The following NTRK2 variants were observed in gnomAD, a reference collection of about 807,000 sequenced individuals.
NTRK2 encodes BDNF/NT-3 growth factors receptor.
In NTRK2, 13 loss-of-function variants were observed where a neutral mutation model predicts 94.5. That is an observed-to-expected ratio of 0.14 (90% CI 0.09 to 0.22). NTRK2 has a LOEUF of 0.22. Among genes scored for constraint, NTRK2 ranks in the 10% least tolerant of loss-of-function variants. NTRK2 has a pLI of 1.00. For missense variants in NTRK2, 639 were observed against 1,071.2 expected, an observed-to-expected ratio of 0.60 and a Z score of 5.63; for synonymous variants, 372 against 407.4, an observed-to-expected ratio of 0.91 and a Z score of 1.05.
chr9:84,726,378 T>G (rs2062460286), intron 8 of NTRK2, among the ~76,000 whole-genome samples: 1 of 152,072 alleles, frequency 6.6e-6, no homozygotes, highest in Non-Finnish European at 1.5e-5. Flanking sequence ...TCCAAGCTAC[T>G]CGGAAGGCTG....
At chr9:84,834,621 T>C (rs1215794509) in intron 12 of NTRK2, among the ~76,000 whole-genome samples, 2 of 152,182 alleles carry the variant, frequency 1.3e-5, no homozygotes, top group Non-Finnish European at 2.9e-5. Context: ...GTTGAGCCAG[T>C]ATAACAATTG....
chr9:84,844,785 A>C (rs1485792164), intron 12 of NTRK2, among the ~76,000 whole-genome samples: 2 of 152,046 alleles, frequency 1.3e-5, no homozygotes, highest in African/African-American at 2.4e-5. Flanking sequence ...TCTTCTCAAA[A>C]ATGGCTGTTA....
At chr9:84,880,393 C>A (rs997636579) in intron 14 of NTRK2, among the ~76,000 whole-genome samples, 2 of 152,182 alleles carry the variant, frequency 1.3e-5, no homozygotes, top group African/African-American at 4.8e-5. Context: ...TTTCAGCATC[C>A]TATGGGGAAC....
At chr9:84,964,283 A>T (rs1825297538) in intron 17 of NTRK2, among the ~76,000 whole-genome samples, 1 of 152,176 alleles carries the variant, frequency 6.6e-6, no homozygotes, top group South Asian at 2.1e-4. Flanking sequence ...ATTGGTCAAG[A>T]CCACAGCAAT....
intron 9 of NTRK2, among the ~76,000 whole-genome samples, chr9:84,733,067 C>T (rs1410105694): frequency 1.3e-5 from 2 of 152,148 alleles, no homozygotes; most frequent in East Asian, 3.9e-4. Context: ...CCACCTATAC[C>T]CCATGGCTGC....
At chr9:84,827,274 G>C (rs749617596) in intron 12 of NTRK2, among the ~76,000 whole-genome samples, 2 of 152,184 alleles carry the variant, frequency 1.3e-5, no homozygotes, top group Admixed American at 6.5e-5. Context: ...CCCTTGGAGA[G>C]TGTGTGTCTT....
chr9:84,798,098 T>G (rs2996471), intron 12 of NTRK2, among the ~76,000 whole-genome samples: 127,571 of 150,928 alleles, frequency 0.85, 54,112 homozygotes, highest in East Asian at 0.91. Context: ...GGAAGTCCGA[T>G]ATCAAGGCAC....
intron 1 of NTRK2, 32 bp from the exon 2 acceptor site, chr9:84,670,345 G>A: frequency 3.0e-6 from 1 of 331,136 alleles, no homozygotes; most frequent in Non-Finnish European, 5.6e-6. Context: ...GGGGTCCTAC[G>A]CTCAGTCTTA....
intron 11 of NTRK2, among the ~76,000 whole-genome samples, chr9:84,748,816 A>G (rs551113108): frequency 1.3e-5 from 2 of 152,366 alleles, no homozygotes; most frequent in Admixed American, 6.5e-5. Context: ...AGTTAGAAAT[A>G]AAGATTTTTA....
intron 12 of NTRK2, among the ~76,000 whole-genome samples, chr9:84,841,455 G>GCTA (rs2074178251): frequency 6.6e-6 from 1 of 152,140 alleles, no homozygotes; most frequent in Admixed American, 6.5e-5. Flanking sequence ...CACCTTCACA[G>GCTA]CTACTAACCT....
At position 84,932,358 on chromosome 9, in the gene NTRK2, C is replaced by T. The variant is rs149400594; in HGVS notation, c.1634-1804C>T. Among the ~76,000 whole-genome samples, 475 of 152,230 alleles carry T rather than the reference C, an allele frequency of 3.1e-3. 3 individuals carry two copies. Among genetic ancestry groups the T allele is most frequent in the Non-Finnish European group, 2.4e-3 (166 of 68,016 alleles). On this transcript the variant is annotated intron_variant, in intron 14 of 18. Transcript: ENST00000277120. Reference sequence around the variant, plus strand: ...ACTCCATTTAATGTAGGTTCAGAAACAGGTGAAGCTGAACAAGCTCTGGGA... The same window carrying T: ...ACTCCATTTAATGTAGGTTCAGAAATAGGTGAAGCTGAACAAGCTCTGGGA...
chr9:84,862,109 C>T (rs2075366729), intron 13 of NTRK2, among the ~76,000 whole-genome samples: 1 of 152,168 alleles, frequency 6.6e-6, no homozygotes, highest in Admixed American at 6.5e-5. Flanking sequence ...CCTTGACTCT[C>T]GCTAGCTCCA....
intron 12 of NTRK2, among the ~76,000 whole-genome samples, chr9:84,854,112 A>C (rs888579287): frequency 6.6e-6 from 1 of 151,822 alleles, no homozygotes; most frequent in African/African-American, 2.4e-5. Flanking sequence ...GAAAAAAAAA[A>C]GAAACAAACA....
At chr9:84,736,762 C>CTAT (rs2063291264) in intron 9 of NTRK2, among the ~76,000 whole-genome samples, 1 of 152,194 alleles carries the variant, frequency 6.6e-6, no homozygotes, top group Non-Finnish European at 1.5e-5. Flanking sequence ...AGAGCCAATG[C>CTAT]TATTATCCTC....
At chr9:84,918,686 A>G (rs1055109337) in intron 14 of NTRK2, among the ~76,000 whole-genome samples, 13 of 152,234 alleles carry the variant, frequency 8.5e-5, no homozygotes, top group African/African-American at 3.1e-4. Flanking sequence ...TATGATTGAG[A>G]AAGCTATTTA....
chr9:84,717,897 A>G (rs2061802757), intron 6 of NTRK2, among the ~76,000 whole-genome samples: 1 of 152,190 alleles, frequency 6.6e-6, no homozygotes, highest in Admixed American at 6.5e-5. Context: ...TGTAAGATCA[A>G]TGGAATTCAA....
At chr9:84,806,227 G>A (rs1309592075) in intron 12 of NTRK2, among the ~76,000 whole-genome samples, 1 of 152,166 alleles carries the variant, frequency 6.6e-6, no homozygotes, top group African/African-American at 2.4e-5. Context: ...GTTTTAAAAG[G>A]TACAAAAGAA....
chr9:84,669,324 A>T (rs202085375), upstream of NTRK2: 1 of 152,606 alleles, frequency 6.6e-6, no homozygotes, highest in South Asian at 2.1e-4. The surrounding 1 kb of genome is among the most constrained non-coding windows in gnomAD (Gnocchi z 4.1). Context: ...CACGGTTTCC[A>T]TTTCAAAAAG....
chr9:84,785,347 T>G (rs1180328104), intron 12 of NTRK2, among the ~76,000 whole-genome samples: 1 of 152,230 alleles, frequency 6.6e-6, no homozygotes, highest in Non-Finnish European at 1.5e-5. Flanking sequence ...TGATCACCCA[T>G]GATAGTTGGA....
Sources: gnomAD v4.1 joint callset for allele counts (sites outside exome capture counted in the v4.1 genomes callset) on GRCh38, gnomAD v4.1.1 for gene constraint, Gnocchi (gnomAD v3.1) non-coding constraint, MANE v1.5 for transcripts, NCBI Gene and HGNC (gene_info 2026-07-23, HGNC 2026-07-21) for gene names.